DLGAP2: variants seen among roughly 807,000 people sequenced by gnomAD.
The protein encoded by DLGAP2 is disks large-associated protein 2.
Under a neutral mutation model 100.3 loss-of-function variants are expected in DLGAP2, and 26 were observed. The ratio of observed to expected loss-of-function variants is 0.26; its 90% CI spans 0.19 to 0.36. The LOEUF is 0.36. DLGAP2 is among the 10% of genes least tolerant of loss of function. DLGAP2 has a pLI of 1.00. For missense variants in DLGAP2, 1,858 were observed against 1,453.2 expected, an observed-to-expected ratio of 1.28 and a Z score of -4.53; for synonymous variants, 886 against 630.1, an observed-to-expected ratio of 1.41 and a Z score of -6.08.
intron 2 of DLGAP2, among the ~76,000 whole-genome samples, chr8:990,149 C>T (rs1054501206): frequency 6.6e-6 from 1 of 152,090 alleles, no homozygotes; most frequent in African/African-American, 2.4e-5. Flanking sequence ...ATTTGAGCTC[C>T]ATCCATGGTG....
chr8:1,538,732 C>T (rs1801242586), intron 4 of DLGAP2, among the ~76,000 whole-genome samples: 1 of 152,174 alleles, frequency 6.6e-6, no homozygotes, highest in Non-Finnish European at 1.5e-5. Context: ...GAGGCAAAGC[C>T]CCAGGGTGCA....
intron 2 of DLGAP2, among the ~76,000 whole-genome samples, chr8:1,032,158 G>T (rs762979724): frequency 1.3e-5 from 2 of 152,250 alleles, no homozygotes; most frequent in Non-Finnish European, 2.9e-5. Flanking sequence ...CCAGGACGGC[G>T]CAAGTTAGCG....
chr8:1,417,295 A>G (rs948631792), intron 3 of DLGAP2, among the ~76,000 whole-genome samples: 1 of 152,064 alleles, frequency 6.6e-6, no homozygotes, highest in Non-Finnish European at 1.5e-5. Flanking sequence ...ACCGGCGTTC[A>G]TTTAGCGTCT....
In DLGAP2 at chr8:1,565,716, G is replaced by A. The variant is rs367568530; in HGVS notation, c.1264G>A (p.Gly422Ser). The A allele has an allele frequency of 1.7e-5, 27 of 1,613,146 alleles. No homozygotes were observed. The highest frequency in any genetic ancestry group is 5.0e-5 in the Admixed American group (3 of 59,896). Residue 422 changes from glycine to serine, a missense_variant, in exon 6 of 15, where the codon GGT (glycine) becomes AGT (serine). Physicochemically the swap from Gly to Ser is moderately conservative, Grantham distance 56 (BLOSUM62 0). Coordinates refer to ENST00000637795, the MANE Select transcript of DLGAP2 (RefSeq NM_001346810.2). ...PQDEWGGYPTGGKDEEIPCRR... is the reference protein window; with the variant it reads ...PQDEWGGYPTSGKDEEIPCRR... ...GGATGAGTGGGGAGGGTACCCCACC[G>A]GTGGCAAAGATGAGGAGATTCCCTG...
intron 5 of DLGAP2, among the ~76,000 whole-genome samples, chr8:1,560,626 G>A (rs11136414): frequency 0.34 from 52,232 of 152,056 alleles, 9,789 homozygotes; most frequent in East Asian, 0.48. Context: ...CAGAAAGACC[G>A]GGCGCTCCAC....
chr8:1,347,173 C>G (rs1255026477), intron 3 of DLGAP2, among the ~76,000 whole-genome samples: 3 of 152,092 alleles, frequency 2.0e-5, no homozygotes, highest in African/African-American at 7.3e-5. Context: ...CTGTACAGAG[C>G]TGCATTGCTC....
At chr8:1,660,860 C>G (rs868343525) in intron 8 of DLGAP2, among the ~76,000 whole-genome samples, 3 of 152,180 alleles carry the variant, frequency 2.0e-5, no homozygotes, top group Non-Finnish European at 2.9e-5. Context: ...TTGAGAGAAC[C>G]TGAAGTTCTG....
intron 3 of DLGAP2, among the ~76,000 whole-genome samples, chr8:1,483,120 G>T (rs1799143542): frequency 6.6e-6 from 1 of 152,184 alleles, no homozygotes; most frequent in Admixed American, 6.5e-5. Context: ...GCTCGGTGCC[G>T]GCAGGAAGGG....
Position 1,339,720 on chromosome 8 carries a change from G to A in DLGAP2, c.106+80837G>A, listed in dbSNP as rs554222674. ...GAGTCTCAGAGGCGAAGTCTCACCC[G>A]GGCGCATCAGGGCAGAGGAGCCACC... On this transcript the variant is annotated intron_variant, in intron 3 of 14. Coordinates refer to ENST00000637795, the MANE Select transcript of DLGAP2 (RefSeq NM_001346810.2). 7.9e-5 allele frequency among the ~76,000 whole-genome samples: 12 copies of A among 152,260 alleles called. 1 individual carries two copies. In the South Asian group the frequency reaches 1.5e-3, roughly 18 times the overall value.
At chr8:1,607,210 A>G (rs1796829067) in intron 6 of DLGAP2, among the ~76,000 whole-genome samples, 2 of 152,252 alleles carry the variant, frequency 1.3e-5, no homozygotes, top group South Asian at 4.1e-4. Flanking sequence ...TATAAAAATT[A>G]TCCATCATTC....
At chr8:1,298,614 G>A (rs993743429) in intron 3 of DLGAP2, among the ~76,000 whole-genome samples, 1 of 152,048 alleles carries the variant, frequency 6.6e-6, no homozygotes, top group Non-Finnish European at 1.5e-5. Flanking sequence ...CACATGTCCT[G>A]CAGAAGCATG....
intron 6 of DLGAP2, among the ~76,000 whole-genome samples, chr8:1,601,218 G>A (rs1438319001): frequency 6.6e-6 from 1 of 152,242 alleles, no homozygotes; most frequent in Non-Finnish European, 1.5e-5. Context: ...GAACAGCAAA[G>A]ATTGCTGCCT....
At chr8:1,579,457 A>T (rs1191927756) in intron 6 of DLGAP2, among the ~76,000 whole-genome samples, 1 of 152,198 alleles carries the variant, frequency 6.6e-6, no homozygotes, top group African/African-American at 2.4e-5. Context: ...TTAAAAACTT[A>T]TTTATGATAC....
At chr8:1,448,919 T>C (rs973207235) in intron 3 of DLGAP2, among the ~76,000 whole-genome samples, 1 of 152,186 alleles carries the variant, frequency 6.6e-6, no homozygotes, top group African/African-American at 2.4e-5. Flanking sequence ...GGGTCAAACA[T>C]GCAGCCGCTG....
chr8:1,271,954 G>C (rs1437897278), intron 3 of DLGAP2, among the ~76,000 whole-genome samples: 2 of 152,072 alleles, frequency 1.3e-5, no homozygotes, highest in Admixed American at 1.3e-4. Context: ...GGGACTACAG[G>C]TGTGTGCCAA....
intron 3 of DLGAP2, among the ~76,000 whole-genome samples, chr8:1,328,592 C>G (rs1336707531): frequency 2.0e-5 from 3 of 152,174 alleles, no homozygotes; most frequent in Non-Finnish European, 4.4e-5. Flanking sequence ...CTCAGGTGAT[C>G]TGCCCGCCTT....
intron 2 of DLGAP2, among the ~76,000 whole-genome samples, chr8:1,123,165 G>A (rs920547676): frequency 6.6e-6 from 1 of 152,152 alleles, no homozygotes; most frequent in South Asian, 2.1e-4. Context: ...TGACAATTTT[G>A]TGAATTATGA....
At chr8:1,331,900 C>T (rs1011160930) in intron 3 of DLGAP2, among the ~76,000 whole-genome samples, 5 of 152,154 alleles carry the variant, frequency 3.3e-5, no homozygotes, top group Admixed American at 2.6e-4. Context: ...ACACTGGGGT[C>T]AGGGAGCCAT....
chr8:1,491,124 GC>G (rs1799371739), intron 3 of DLGAP2, among the ~76,000 whole-genome samples: 1 of 102,088 alleles, frequency 9.8e-6, no homozygotes, highest in Non-Finnish European at 2.2e-5. Context: ...CATGAACAGA[GC>G]AAAAGAAAAA....
Sources: gnomAD v4.1 joint callset for allele counts (sites outside exome capture counted in the v4.1 genomes callset) on GRCh38, gnomAD v4.1.1 for gene constraint, MANE v1.5 for transcripts, NCBI Gene and HGNC (gene_info 2026-07-23, HGNC 2026-07-21) for gene names.